The following WDFY3 variants were observed in gnomAD, a reference collection of about 807,000 sequenced individuals.
WDFY3 encodes WD repeat and FYVE domain-containing protein 3.
In WDFY3, 66 loss-of-function variants were observed where a neutral mutation model predicts 409.6. That is an observed-to-expected ratio of 0.16 (90% CI 0.13 to 0.20). The LOEUF is 0.20. WDFY3 is among the 10% of genes least tolerant of loss of function. WDFY3 has a pLI of 1.00. For missense variants in WDFY3, 3,031 were observed against 4,298.1 expected (o/e 0.71, Z 8.24); for synonymous variants, 1,521 against 1,537.1 (o/e 0.99, Z 0.25).
chr4:84,677,961 C>CAAA (rs986393073), intron 66 of WDFY3, among the ~76,000 whole-genome samples: 7 of 21,172 alleles, frequency 3.3e-4, no homozygotes, highest in African/African-American at 8.9e-4. Context: ...GACCCTGTCT[C>CAAA]AAAAAAAAAA....
At chr4:84,887,799 T>C (rs1377075802) in intron 3 of WDFY3, among the ~76,000 whole-genome samples, 2 of 152,212 alleles carry the variant, frequency 1.3e-5, no homozygotes, top group Non-Finnish European at 2.9e-5. Context: ...TCTTTGTCTT[T>C]ATGAAATACC....
intron 29 of WDFY3, among the ~76,000 whole-genome samples, chr4:84,774,529 C>T (rs904332544): frequency 3.9e-5 from 6 of 152,168 alleles, no homozygotes; most frequent in African/African-American, 1.4e-4. Flanking sequence ...GATTGGGAAC[C>T]AAGAATTCCT....
At chr4:84,828,302 A>G (rs567686018) in intron 9 of WDFY3, among the ~76,000 whole-genome samples, 154 of 152,142 alleles carry the variant, frequency 1.0e-3, no homozygotes, top group African/African-American at 3.4e-3. Flanking sequence ...TAAGTAACAC[A>G]TTTTGAAATT....
intron 3 of WDFY3, among the ~76,000 whole-genome samples, chr4:84,868,660 C>T (rs142691386): frequency 8.1e-4 from 123 of 152,242 alleles, no homozygotes; most frequent in African/African-American, 2.8e-3. Context: ...AACTCACCTC[C>T]ATTTAAGAAT....
chr4:84,851,578 C>T (rs1462965227), intron 4 of WDFY3, among the ~76,000 whole-genome samples: 1 of 152,072 alleles, frequency 6.6e-6, no homozygotes, highest in African/African-American at 2.4e-5. Context: ...GGGAGATGGA[C>T]TGGAAAAGAA....
intron 6 of WDFY3, among the ~76,000 whole-genome samples, chr4:84,839,204 T>G (rs1362610743): frequency 1.3e-5 from 2 of 152,108 alleles, no homozygotes; most frequent in South Asian, 2.1e-4. Flanking sequence ...TGTAGAAAAC[T>G]GTATTAAAAG....
In WDFY3 at chr4:84,679,029, A is replaced by G. The variant is rs1344350673; in HGVS notation, c.10037T>C (p.Phe3346Ser). 1 of 1,614,206 alleles carries G rather than the reference A, an allele frequency of 6.2e-7. No individual in the cohort carries two copies. The highest frequency in any genetic ancestry group is 2.2e-5 in the East Asian group (1 of 44,886). ...DQLSLDEKDG[F>S]IFVNYSEGQT... Reference sequence around the variant, plus strand: ...GCCCTCTGAATAGTTCACAAATATGAAGCCGTCTTTCTCATCTAGACTGAG... The same window carrying G: ...GCCCTCTGAATAGTTCACAAATATGGAGCCGTCTTTCTCATCTAGACTGAG... Residue 3346 changes from phenylalanine (F) to serine (S), a missense_variant, in exon 65 of 68, where the codon TTC becomes TCC. Physicochemically the swap from Phe to Ser is radical, Grantham distance 155. This residue lies in a region of WDFY3 where 378 missense variants were observed against 477.3 expected (regional missense o/e 0.79). Coordinates refer to ENST00000295888, the MANE Select transcript of WDFY3 (RefSeq NM_014991.6).
chr4:84,702,808 G>A (rs1731261566), intron 55 of WDFY3, among the ~76,000 whole-genome samples: 1 of 152,210 alleles, frequency 6.6e-6, no homozygotes, highest in Non-Finnish European at 1.5e-5. Context: ...TAAGAAATAT[G>A]AGTTCTGGCC....
chr4:84,702,814 T>A (rs1452546739), intron 55 of WDFY3, among the ~76,000 whole-genome samples: 1 of 152,204 alleles, frequency 6.6e-6, no homozygotes, highest in Non-Finnish European at 1.5e-5. Flanking sequence ...ATATGAGTTC[T>A]GGCCGGGCGC....
At chr4:84,888,828 G>A (rs914962168) in intron 3 of WDFY3, among the ~76,000 whole-genome samples, 2 of 151,110 alleles carry the variant, frequency 1.3e-5, no homozygotes, top group Admixed American at 6.6e-5. Flanking sequence ...ACTAAAAATT[G>A]GGGCTTTTTT....
chr4:84,809,063 A>C (rs181642716), intron 14 of WDFY3: 1 of 152,332 alleles, frequency 6.6e-6, no homozygotes, highest in Non-Finnish European at 1.5e-5. Context: ...TTATGTAGTA[A>C]AACTATGGTA....
chr4:84,716,632 TAA>T (rs1317677177), intron 49 of WDFY3, among the ~76,000 whole-genome samples: 1 of 146,672 alleles, frequency 6.8e-6, no homozygotes, highest in Admixed American at 6.8e-5. Flanking sequence ...CCGTCTCTAC[TAA>T]AAAAATACAA....
intron 3 of WDFY3, among the ~76,000 whole-genome samples, chr4:84,862,347 C>T (rs577295843): frequency 9.5e-4 from 144 of 152,326 alleles, no homozygotes; most frequent in African/African-American, 3.3e-3. Flanking sequence ...GGAAACAGTG[C>T]TAACACATAG....
intron 10 of WDFY3, among the ~76,000 whole-genome samples, chr4:84,822,129 G>C (rs1386042623): frequency 1.3e-5 from 2 of 152,026 alleles, no homozygotes; most frequent in African/African-American, 4.8e-5. Flanking sequence ...TTTATGGCCA[G>C]CTATTCAAAC....
At position 84,678,943 on chromosome 4, in the gene WDFY3, G is replaced by A. The variant is rs138848829; in HGVS notation, c.10123C>T (p.Arg3375Trp). Residue 3375 changes from arginine to tryptophan, a missense_variant, in exon 65 of 68, where the codon CGG (arginine) becomes TGG (tryptophan). Arg to Trp is a moderately radical substitution (Grantham distance 101). This residue lies in a region of WDFY3 where 378 missense variants were observed against 477.3 expected (regional missense o/e 0.79). Transcript: ENST00000295888. The stretch of plus-strand genomic sequence containing the variant: ...CCAGGTTTCAATCTGCTGTAATTCC[G>A]CACCTCAATGGGATTGGGGTGGGGG... ...SHPHPNPIEV[R>W]NYSRLKPGYR... 275 of 1,612,930 alleles carry A rather than the reference G, an allele frequency of 1.7e-4. 1 individual carries two copies. The East Asian group carries it at 4.7e-3, about 27-fold the overall frequency.
In WDFY3 at chr4:84,803,334, T is replaced by C; in HGVS notation, c.2563A>G (p.Met855Val). 5 of 1,613,960 alleles carry C rather than the reference T, an allele frequency of 3.1e-6. No individual in the cohort carries two copies. Among genetic ancestry groups the C allele is most frequent in the Non-Finnish European group, 3.4e-6 (4 of 1,179,960 alleles). ...VIIHPGAMLA[M>V]LDLLASVGSV... is the part of the protein sequence containing the mutation. ...CCAACAGAGGCCAGTAGGTCCAGCA[T>C]GGCAAGCATGGCTCCAGGATGAATG... Residue 855 changes from methionine (M) to valine (V), a missense_variant, in exon 16 of 68, where the codon ATG becomes GTG. By Grantham distance (21) the Met-to-Val change is conservative. This residue lies in a region of WDFY3 where 1,322 missense variants were observed against 1,697.9 expected (regional missense o/e 0.78). Transcript: ENST00000295888.
chr4:84,775,889 G>A (rs1008126357), intron 27 of WDFY3, among the ~76,000 whole-genome samples: 2 of 151,748 alleles, frequency 1.3e-5, no homozygotes, highest in Non-Finnish European at 2.9e-5. Flanking sequence ...CAAAAAGGAA[G>A]AAAGAAATGG....
intron 2 of WDFY3, among the ~76,000 whole-genome samples, chr4:84,912,788 T>C (rs934430820): frequency 5.3e-5 from 8 of 152,120 alleles, no homozygotes; most frequent in Non-Finnish European, 7.3e-5. Flanking sequence ...TTTATTACTA[T>C]AGAAAAGAAG....
At chr4:84,841,332 C>T in intron 5 of WDFY3, 69 bp from the exon 6 acceptor site, 1 of 1,346,200 alleles carries the variant, frequency 7.4e-7, no homozygotes, top group East Asian at 2.3e-5. Context: ...TCTTTAAAAC[C>T]TACCAAGGAA....
Sources: gnomAD v4.1 joint callset for allele counts (sites outside exome capture counted in the v4.1 genomes callset) on GRCh38, gnomAD v4.1.1 for gene constraint, gnomAD v4.1.1 regional missense constraint, MANE v1.5 for transcripts, NCBI Gene and HGNC (gene_info 2026-07-23, HGNC 2026-07-21) for gene names.